Variants in TCEA3 observed in about 807,000 individuals in gnomAD.
The protein encoded by TCEA3 is transcription elongation factor A protein 3.
A neutral mutation model predicts 44.0 loss-of-function variants in TCEA3; 36 were observed. The observed-to-expected ratio is 0.82, with a 90% CI of 0.63 to 1.08. The LOEUF (loss-of-function observed/expected upper bound fraction) is 1.08. TCEA3 is among the 50% of genes least tolerant of loss of function. The pLI is 0.00. For missense variants in TCEA3, 392 were observed against 441.2 expected, an observed-to-expected ratio of 0.89 and a Z score of 1.00; for synonymous variants, 162 against 159.7, an observed-to-expected ratio of 1.01 and a Z score of -0.11.
chr1:23,419,024 C>A, intron 2 of TCEA3, 53 bp downstream of exon 2: 2 of 970,936 alleles, frequency 2.1e-6, no homozygotes, highest in South Asian at 1.9e-5. Flanking sequence ...CTTTCCCTCC[C>A]CCACCAGCTC....
At chr1:23,397,659 T>G in intron 6 of TCEA3, 58 bp from the exon 7 acceptor site, 1 of 1,604,604 alleles carries the variant, frequency 6.2e-7, no homozygotes, top group Non-Finnish European at 8.5e-7. Context: ...CAGTGAAGCC[T>G]GCTTGTACCT....
At chr1:23,395,318 A>T (rs1378393731) in intron 7 of TCEA3, among the ~76,000 whole-genome samples, 2 of 152,212 alleles carry the variant, frequency 1.3e-5, no homozygotes, top group Non-Finnish European at 2.9e-5. Context: ...TCCCAAGGCC[A>T]CAGAGGGGAC....
At chr1:23,420,964 C>G (rs767901394) in intron 1 of TCEA3, among the ~76,000 whole-genome samples, 4 of 152,146 alleles carry the variant, frequency 2.6e-5, no homozygotes, top group Non-Finnish European at 5.9e-5. Context: ...ATCCTTGGCC[C>G]ACAGTTCATG....
At chr1:23,415,527 T>A (rs1210178458) in intron 4 of TCEA3, among the ~76,000 whole-genome samples, 2 of 152,218 alleles carry the variant, frequency 1.3e-5, no homozygotes, top group African/African-American at 4.8e-5. Context: ...GTCCTTCATT[T>A]GCCAAGGTTC....
chr1:23,405,051 C>A (rs1412798922), intron 5 of TCEA3, among the ~76,000 whole-genome samples: 1 of 152,084 alleles, frequency 6.6e-6, no homozygotes, highest in Non-Finnish European at 1.5e-5. Context: ...ACCTGCATTT[C>A]CCCAAAGCAA....
chr1:23,391,740 T>A (rs1639034144), intron 8 of TCEA3, among the ~76,000 whole-genome samples: 1 of 151,980 alleles, frequency 6.6e-6, no homozygotes, highest in African/African-American at 2.4e-5. Flanking sequence ...CTGGCCAACA[T>A]GGTGAAATCC....
At chr1:23,381,536 G>T in intron 10 of TCEA3, 62 bp from the exon 11 acceptor site, 1 of 779,594 alleles carries the variant, frequency 1.3e-6, no homozygotes, top group South Asian at 1.3e-5. Flanking sequence ...AGGAGGCTGT[G>T]GGGGAATATG....
At chr1:23,412,110 T>C (rs1444109594) in intron 4 of TCEA3, 1 of 152,212 alleles carries the variant, frequency 6.6e-6, no homozygotes, top group Non-Finnish European at 1.5e-5. Context: ...TGATAGCTGA[T>C]AGTAGGATAT....
chr1:23,410,935 T>C (rs1011082080), intron 4 of TCEA3: 2 of 172,746 alleles, frequency 1.2e-5, no homozygotes, highest in African/African-American at 4.8e-5. Context: ...TGTATGCAGT[T>C]ACTTGGACAA....
At chr1:23,423,787 A>G in intron 1 of TCEA3, 1 of 455,990 alleles carries the variant, frequency 2.2e-6, no homozygotes, top group Non-Finnish European at 4.4e-6. Context: ...GGGGAAGATC[A>G]AACATTAACT....
chr1:23,386,364 A>G (rs980274922), intron 9 of TCEA3, among the ~76,000 whole-genome samples: 2 of 151,884 alleles, frequency 1.3e-5, no homozygotes, highest in Non-Finnish European at 2.9e-5. Flanking sequence ...CCCCGCATCC[A>G]GTAGCTGGGA....
intron 3 of TCEA3, 25 bp from the exon 4 acceptor site, chr1:23,417,415 C>A (rs763577038): frequency 1.2e-6 from 2 of 1,608,996 alleles, no homozygotes; most frequent in Admixed American, 3.4e-5. Flanking sequence ...GTGGCATTGT[C>A]CCTCAGCTAA....
intron 5 of TCEA3, among the ~76,000 whole-genome samples, chr1:23,399,144 G>GTGTA (rs751608613): frequency 0.012 from 738 of 61,062 alleles, 9 homozygotes; most frequent in African/African-American, 0.039. Context: ...ATGTATATAT[G>GTGTA]TATATATATA....
intron 5 of TCEA3, among the ~76,000 whole-genome samples, chr1:23,398,863 G>A (rs1639297617): frequency 6.6e-6 from 1 of 151,732 alleles, no homozygotes; most frequent in African/African-American, 2.4e-5. Context: ...GACCTCCTGG[G>A]CTCAGGCAAT....
chr1:23,414,276 G>A (rs1022757570), intron 4 of TCEA3, among the ~76,000 whole-genome samples: 9 of 152,164 alleles, frequency 5.9e-5, no homozygotes, highest in Admixed American at 3.3e-4. Flanking sequence ...ATATTTGGTA[G>A]AGATGGGGTT....
At position 23,397,950 on chromosome 1, in the gene TCEA3, T is replaced by C; in HGVS notation, c.449A>G (p.Asn150Ser). ...GCTCTCCGCTTTTGATTTGCTGCTG[T>C]TTGATCTGAGGATGACAATAAGTAA... is the stretch of plus-strand genomic sequence containing the variant. ...SPKRPSVERS[N>S]SSKSKAESPK... is the part of the protein sequence containing the mutation. Residue 150 changes from asparagine to serine, a missense_variant, in exon 6 of 11, where the codon AAC becomes AGC. Transcript: ENST00000450454. The C allele has an allele frequency of 6.2e-7, 1 of 1,613,756 alleles. No individual in the cohort carries two copies. Among genetic ancestry groups the C allele is most frequent in the Non-Finnish European group, 8.5e-7 (1 of 1,179,814 alleles).
intron 8 of TCEA3, among the ~76,000 whole-genome samples, chr1:23,392,515 A>G (rs1639080972): frequency 1.5e-4 from 6 of 40,354 alleles, no homozygotes; most frequent in African/African-American, 5.4e-4. Flanking sequence ...TCCATACATC[A>G]TACACACATA....
At chr1:23,386,271 TCATAG>T (rs2148543709) in intron 9 of TCEA3, among the ~76,000 whole-genome samples, 2 of 151,938 alleles carry the variant, frequency 1.3e-5, no homozygotes, top group East Asian at 3.9e-4. Context: ...AGTGGTGCAA[TCATAG>T]CTCATTGCAG....
chr1:23,410,405 A>G (rs1639673987), intron 4 of TCEA3, among the ~76,000 whole-genome samples: 1 of 152,144 alleles, frequency 6.6e-6, no homozygotes, highest in South Asian at 2.1e-4. Context: ...GTTCAGGAAC[A>G]TAAAAAAATG....
Sources: gnomAD v4.1 joint callset for allele counts (sites outside exome capture counted in the v4.1 genomes callset) on GRCh38, gnomAD v4.1.1 for gene constraint, MANE v1.5 for transcripts, NCBI Gene and HGNC (gene_info 2026-07-23, HGNC 2026-07-21) for gene names.